The following NUDC variants were observed in gnomAD, a reference collection of about 807,000 sequenced individuals.
NUDC encodes the protein nuclear distribution C, dynein complex regulator, also known as nuclear migration protein nudC.
In NUDC, 14 loss-of-function variants were observed where a neutral mutation model predicts 45.0. The ratio of observed to expected loss-of-function variants is 0.31; its 90% CI spans 0.21 to 0.49. The LOEUF (loss-of-function observed/expected upper bound fraction) is 0.49, where lower values mean the gene tolerates loss of function less well. Ranked by LOEUF, NUDC falls within the 20% of genes least tolerant of loss-of-function variation. The pLI, the probability that NUDC is intolerant of heterozygous loss-of-function variation, is 0.99. For synonymous variants in NUDC, 153 were observed against 156.7 expected (o/e 0.98, Z 0.17); for missense variants, 323 against 426.2 (o/e 0.76, Z 2.13).
chr1:26,928,036 T>C (rs1042413965), intron 2 of NUDC, among the ~76,000 whole-genome samples: 1 of 152,198 alleles, frequency 6.6e-6, no homozygotes, highest in Non-Finnish European at 1.5e-5. Context: ...TTTTAGTTTT[T>C]ATAGCTTTTG....
intron 6 of NUDC, among the ~76,000 whole-genome samples, chr1:26,943,592 C>A (rs1166668520): frequency 6.6e-6 from 1 of 152,204 alleles, no homozygotes; most frequent in East Asian, 1.9e-4. Flanking sequence ...AAAGCCACTT[C>A]TTTTTCACTA....
At chr1:26,910,673 A>C in intron 2 of NUDC, among the ~76,000 whole-genome samples, 1 of 152,278 alleles carries the variant, frequency 6.6e-6, no homozygotes, top group East Asian at 1.9e-4. Flanking sequence ...TCCTATAGGC[A>C]TGTGTGTTGT....
intron 6 of NUDC, among the ~76,000 whole-genome samples, chr1:26,944,604 C>A (rs1249363836): frequency 6.6e-6 from 1 of 152,030 alleles, no homozygotes; most frequent in Non-Finnish European, 1.5e-5. Context: ...GAGTTTGAGA[C>A]CAGCCTGGCC....
intron 3 of NUDC, chr1:26,913,956 C>G (rs372185065): frequency 3.9e-5 from 57 of 1,450,196 alleles, no homozygotes; most frequent in Non-Finnish European, 5.1e-5. Context: ...GGGATCTGCT[C>G]TCACTTCCAG....
In NUDC at chr1:26,911,999, C is replaced by T. The variant is rs761834151; in HGVS notation, c.93+764C>T. 8.1e-6 allele frequency: 13 copies of T among 1,614,090 alleles called. No homozygotes were observed. The highest frequency in any genetic ancestry group is 2.7e-5 in the African/African-American group (2 of 74,930). On this transcript the variant is annotated intron_variant, in intron 3 of 6. Coordinates refer to the NUDC transcript ENST00000435827. The stretch of plus-strand genomic sequence containing the variant: ...GGTCAGGCGGCCTTGGGCTGCTGGG[C>T]ACCAGGGTTCCAGGACTTCACACAG...
upstream of NUDC, among the ~76,000 whole-genome samples, chr1:26,917,098 A>C (rs2082065544): frequency 6.6e-6 from 1 of 151,466 alleles, no homozygotes; most frequent in African/African-American, 2.4e-5. Flanking sequence ...TTTCTTCTAA[A>C]AATACAAAAA....
intron 1 of NUDC, among the ~76,000 whole-genome samples, chr1:26,922,799 A>G (rs538012964): frequency 1.2e-4 from 19 of 152,156 alleles, no homozygotes; most frequent in Non-Finnish European, 2.5e-4. Context: ...TTCTATTCCT[A>G]TGTAACCTAG....
intron 2 of NUDC, among the ~76,000 whole-genome samples, chr1:26,906,031 C>T (rs546258634): frequency 2.6e-4 from 39 of 152,320 alleles, no homozygotes; most frequent in Admixed American, 8.5e-4. Context: ...CCTGTAATCC[C>T]AGCACTTTGG....
intron 2 of NUDC, chr1:26,902,378 T>C (rs185455126): frequency 3.9e-5 from 6 of 152,406 alleles, no homozygotes; most frequent in African/African-American, 1.4e-4. Flanking sequence ...TAAAGCATTA[T>C]CTGATCTACT....
intron 2 of NUDC, among the ~76,000 whole-genome samples, chr1:26,930,444 C>T (rs969344131): frequency 6.6e-6 from 1 of 152,204 alleles, no homozygotes; most frequent in African/African-American, 2.4e-5. Context: ...CGCCATTGTA[C>T]CCAGCTCTTT....
chr1:26,916,604 T>C (rs71636796), intron 3 of NUDC, among the ~76,000 whole-genome samples: 23,690 of 152,064 alleles, frequency 0.16, 1,987 homozygotes, highest in African/African-American at 0.21. Context: ...AGCTCTGATT[T>C]AATCTTTTAG....
intron 2 of NUDC, among the ~76,000 whole-genome samples, chr1:26,940,280 C>T (rs1557680068): frequency 6.6e-6 from 1 of 152,006 alleles, no homozygotes; most frequent in Non-Finnish European, 1.5e-5. Context: ...AGTTCGAGAC[C>T]AGCCTGACCA....
chr1:26,914,689 G>A (rs568752137), intron 3 of NUDC, among the ~76,000 whole-genome samples: 4 of 152,238 alleles, frequency 2.6e-5, no homozygotes, highest in East Asian at 3.9e-4. Flanking sequence ...GTTGCCAGCC[G>A]GGCACGGTGG....
chr1:26,925,718 ATTTTTTTTT>A (rs35681038), intron 2 of NUDC, among the ~76,000 whole-genome samples: 1 of 126,874 alleles, frequency 7.9e-6, no homozygotes, highest in Non-Finnish European at 1.7e-5. Context: ...ATCATGAGGA[ATTTTTTTTT>A]TTTTTTTTTT....
intron 3 of NUDC, among the ~76,000 whole-genome samples, chr1:26,916,396 A>G (rs555910931): frequency 1.3e-5 from 2 of 152,116 alleles, no homozygotes; most frequent in East Asian, 1.9e-4. Flanking sequence ...TCTAAAAAAA[A>G]ACGAAAAAAC....
intron 3 of NUDC, among the ~76,000 whole-genome samples, chr1:26,914,956 G>T (rs1463556201): frequency 6.7e-6 from 1 of 150,318 alleles, no homozygotes; most frequent in Non-Finnish European, 1.5e-5. Context: ...AACAGAGCAA[G>T]ATCCTGTCTC....
At chr1:26,901,059 C>T (rs1394404796) in intron 1 of NUDC, among the ~76,000 whole-genome samples, 2 of 152,236 alleles carry the variant, frequency 1.3e-5, no homozygotes, top group South Asian at 2.1e-4. Flanking sequence ...AACTGAAGCT[C>T]TCATACACTG....
chr1:26,923,291 T>C (rs1394609278), intron 1 of NUDC, among the ~76,000 whole-genome samples: 1 of 152,196 alleles, frequency 6.6e-6, no homozygotes, highest in Non-Finnish European at 1.5e-5. Flanking sequence ...TAGAAATAGG[T>C]ACTGCATCTT....
intron 2 of NUDC, among the ~76,000 whole-genome samples, chr1:26,903,349 G>A (rs1377040381): frequency 6.6e-6 from 1 of 152,038 alleles, no homozygotes; most frequent in Non-Finnish European, 1.5e-5. Context: ...ACCTTTGGAG[G>A]GAAATGATAG....
Sources: gnomAD v4.1 joint callset for allele counts (sites outside exome capture counted in the v4.1 genomes callset) on GRCh38, gnomAD v4.1.1 for gene constraint, MANE v1.5 for transcripts, NCBI Gene and HGNC (gene_info 2026-07-23, HGNC 2026-07-21) for gene names.